PHACTR3: variants seen among roughly 807,000 people sequenced by gnomAD.
PHACTR3 encodes protein phosphatase 1, regulatory subunit 123.
PHACTR3 carries 16 observed loss-of-function variants against 66.8 expected under a neutral mutation model. The observed-to-expected ratio is 0.24, with a 90% CI of 0.16 to 0.36. The LOEUF (loss-of-function observed/expected upper bound fraction) is 0.36. Among genes scored for constraint, PHACTR3 ranks in the 10% least tolerant of loss-of-function variants. The probability of loss-of-function intolerance (pLI) is 1.00; values close to 1 mark genes in which losing one functional copy is unlikely to be tolerated. For missense variants in PHACTR3, 647 were observed against 719.9 expected, an observed-to-expected ratio of 0.90 and a Z score of 1.16; for synonymous variants, 323 against 292.1, an observed-to-expected ratio of 1.11 and a Z score of -1.08.
chr20:59,615,918 G>A (rs900425750), intron 1 of PHACTR3, among the ~76,000 whole-genome samples: 4 of 152,184 alleles, frequency 2.6e-5, no homozygotes, highest in Admixed American at 2.6e-4. Flanking sequence ...CCACACATTA[G>A]GCTTATTTCC....
At chr20:59,814,046 C>T (rs1041318751) in intron 8 of PHACTR3, among the ~76,000 whole-genome samples, 10 of 152,216 alleles carry the variant, frequency 6.6e-5, no homozygotes, top group Admixed American at 2.6e-4. Flanking sequence ...TCTGTGAGGG[C>T]CTTGCCCACC....
Position 59,604,874 on chromosome 20 carries a change from G to A in PHACTR3, c.-141G>A, listed in dbSNP as rs1386280875. 1.2e-5 allele frequency: 14 copies of A among 1,173,968 alleles called. No homozygotes were observed. The African/African-American group carries it at 2.2e-4, about 19-fold the overall frequency. The allele number at this position is 1,173,968 out of a possible 1,614,324, so 72.7% of individuals were successfully genotyped here. A position where few individuals can be genotyped will look rare whatever the true frequency, so the allele number is the denominator to read the frequency against. ...CTTTCTCCAGCTCGTTTCCTTTCCC[G>A]GCCTTTTTTTTTTTTTTTTTTTTTT... On this transcript the variant is annotated 5_prime_UTR_variant, in exon 1 of 13. Transcript: ENST00000371015.
At chr20:59,670,387 G>A (rs945889394) in intron 1 of PHACTR3, among the ~76,000 whole-genome samples, 2 of 152,144 alleles carry the variant, frequency 1.3e-5, no homozygotes, top group Non-Finnish European at 2.9e-5. Context: ...CTGGAGATGG[G>A]GCCACCTTTT....
chr20:59,799,185 T>G (rs1206018162), intron 7 of PHACTR3, among the ~76,000 whole-genome samples: 2 of 16,590 alleles, frequency 1.2e-4, no homozygotes, highest in Non-Finnish European at 1.9e-4. Context: ...TTATTGAAGC[T>G]TATTTCTGGT....
chr20:59,810,255 C>A (rs1014610304), intron 8 of PHACTR3, among the ~76,000 whole-genome samples: 1 of 152,220 alleles, frequency 6.6e-6, no homozygotes, highest in East Asian at 1.9e-4. Context: ...AAACGCCCCC[C>A]TATGTAAGAA....
At chr20:59,785,784 G>C (rs942473296) in intron 7 of PHACTR3, among the ~76,000 whole-genome samples, 1 of 152,332 alleles carries the variant, frequency 6.6e-6, no homozygotes, top group Non-Finnish European at 1.5e-5. Context: ...TCCCTGGCAT[G>C]TTGCACCAGC....
At position 59,578,054 on chromosome 20, in the gene PHACTR3, C is replaced by T. The variant is rs1479115794; in HGVS notation, c.109+437C>T. ...TGGCCACCCAAGGGAGGGCTCTGTG[C>T]TTGATCGCCCTTCTTCCCCAGGGAG... On this transcript the variant is annotated intron_variant, in intron 1 of 12. Coordinates refer to the PHACTR3 transcript ENST00000359926. Among the ~76,000 whole-genome samples, 3 of 152,236 alleles carry T rather than the reference C, an allele frequency of 2.0e-5. No homozygotes were observed. The South Asian group carries it at 6.2e-4, about 31-fold the overall frequency.
chr20:59,581,667 G>A (rs1437441690), intron 1 of PHACTR3, among the ~76,000 whole-genome samples: 1 of 152,276 alleles, frequency 6.6e-6, no homozygotes, highest in African/African-American at 2.4e-5. Context: ...AGATCACGAG[G>A]TCAGGAGATC....
intron 1 of PHACTR3, among the ~76,000 whole-genome samples, chr20:59,728,375 G>A (rs2038639285): frequency 6.6e-6 from 1 of 152,050 alleles, no homozygotes; most frequent in Non-Finnish European, 1.5e-5. Flanking sequence ...TAGGATTACT[G>A]TATGAGCTAG....
In PHACTR3 at chr20:59,791,582, CTTTTCTT is replaced by C. The variant is rs561917266; in HGVS notation, c.1175-14447_1175-14441del. On this transcript the variant is annotated intron_variant, in intron 7 of 12. Transcript: ENST00000371015. ...GTCACTCTGGAGAAGCATGTGAGCA[CTTTTCTT>C]TTTTCTTTTTTTTTTTTTAACTGAA... Among the ~76,000 whole-genome samples the C allele has an allele frequency of 1.8e-4, 28 of 151,672 alleles. No homozygotes were observed. In the South Asian group the frequency reaches 5.0e-3, roughly 27 times the overall value.
intron 8 of PHACTR3, among the ~76,000 whole-genome samples, chr20:59,807,762 T>A (rs1308114315): frequency 6.6e-6 from 1 of 152,230 alleles, no homozygotes; most frequent in Admixed American, 6.5e-5. Context: ...TCCATTTTCA[T>A]CTTCTGGGAC....
chr20:59,819,072 C>T (rs952499409), intron 8 of PHACTR3, among the ~76,000 whole-genome samples: 4 of 152,166 alleles, frequency 2.6e-5, no homozygotes, highest in African/African-American at 7.2e-5. Flanking sequence ...TCCGGAGCCT[C>T]TGCTGAGTCT....
chr20:59,801,918 GCATCTTCCT>G (rs1371552663), intron 7 of PHACTR3, among the ~76,000 whole-genome samples: 2 of 152,134 alleles, frequency 1.3e-5, no homozygotes, highest in Non-Finnish European at 2.9e-5. Context: ...GAGACGTGTG[GCATCTTCCT>G]CATCTTTGCT....
chr20:59,740,201 A>T (rs1468779140), intron 1 of PHACTR3, among the ~76,000 whole-genome samples: 2 of 152,212 alleles, frequency 1.3e-5, no homozygotes, highest in Admixed American at 6.5e-5. Context: ...AATCAGAGTG[A>T]TGATAAAGTC....
intron 2 of PHACTR3, among the ~76,000 whole-genome samples, chr20:59,747,528 AGAATATCTACTGCGTGCACTGCT>A (rs1380613486): frequency 2.0e-5 from 3 of 152,250 alleles, no homozygotes; most frequent in Non-Finnish European, 4.4e-5. Context: ...TGATCGCTGT[AGAATATCTACTGCGTGCACTGCT>A]CTTTAGCTGT....
chr20:59,693,605 G>A (rs77539210), intron 1 of PHACTR3, among the ~76,000 whole-genome samples: 4,377 of 152,308 alleles, frequency 0.029, 91 homozygotes, highest in Non-Finnish European at 0.047. Flanking sequence ...GGTACCTGGT[G>A]TATCAGTTAC....
chr20:59,814,858 G>A (rs1349521638), intron 8 of PHACTR3, among the ~76,000 whole-genome samples: 1 of 152,068 alleles, frequency 6.6e-6, no homozygotes, highest in African/African-American at 2.4e-5. Flanking sequence ...TGAAGCCTGT[G>A]GGGCCTCCGC....
At chr20:59,681,139 G>A (rs999693666) in intron 1 of PHACTR3, among the ~76,000 whole-genome samples, 1 of 151,818 alleles carries the variant, frequency 6.6e-6, no homozygotes, top group African/African-American at 2.4e-5. Flanking sequence ...CTGCTTTCCA[G>A]CAGCATAGCT....
At chr20:59,799,395 G>A (rs1346752189) in intron 7 of PHACTR3, among the ~76,000 whole-genome samples, 1 of 152,112 alleles carries the variant, frequency 6.6e-6, no homozygotes, top group Non-Finnish European at 1.5e-5. Context: ...GAAATGATGT[G>A]TGGATTTCTT....
Sources: gnomAD v4.1 joint callset for allele counts (sites outside exome capture counted in the v4.1 genomes callset) on GRCh38, gnomAD v4.1.1 for gene constraint, MANE v1.5 for transcripts, NCBI Gene and HGNC (gene_info 2026-07-23, HGNC 2026-07-21) for gene names.